SERAC1: variants seen among roughly 807,000 people sequenced by gnomAD.
SERAC1 encodes the protein serine active site containing 1.
SERAC1 carries 36 observed loss-of-function variants against 85.7 expected under a neutral mutation model. That is an observed-to-expected ratio of 0.42 (90% CI 0.32 to 0.55). The LOEUF (loss-of-function observed/expected upper bound fraction) is 0.55. SERAC1 is among the 20% of genes least tolerant of loss of function. SERAC1 has a pLI of 0.11. For missense variants in SERAC1, 629 were observed against 796.2 expected, an observed-to-expected ratio of 0.79 and a Z score of 2.53; for synonymous variants, 242 against 265.3, an observed-to-expected ratio of 0.91 and a Z score of 0.85.
chr6:158,113,276 A>G, intron 16 of SERAC1, 173 bp downstream of exon 16: 1 of 574,438 alleles, frequency 1.7e-6, no homozygotes, highest in Admixed American at 3.1e-5. Context: ...CCCGGGTTAT[A>G]TGTTTACAGA....
At position 158,120,020 on chromosome 6, in the gene SERAC1, C is replaced by T. The variant is rs148960089; in HGVS notation, c.1166+405G>A. Among the ~76,000 whole-genome samples, 1 of 152,200 alleles carries T rather than the reference C, an allele frequency of 6.6e-6. No individual in the cohort carries two copies. Among genetic ancestry groups the T allele is most frequent in the East Asian group, 1.9e-4 (1 of 5,184 alleles). The stretch of plus-strand genomic sequence containing the variant: ...TTCTCCAGTCCCTTGAGTTCTAGGC[C>T]CAGGCTAATTTGGTTGCCACATAAG... On this transcript the variant is annotated intron_variant, in intron 11 of 16. Coordinates refer to ENST00000647468, the MANE Select transcript of SERAC1 (RefSeq NM_032861.4). The surrounding 1 kb of genome is among the most constrained non-coding windows in gnomAD (Gnocchi z 4.4).
At chr6:158,114,462 AT>A (rs1784227227) in intron 15 of SERAC1, 5 of 1,102,528 alleles carry the variant, frequency 4.5e-6, no homozygotes, top group Non-Finnish European at 5.5e-6. Flanking sequence ...ACAGTTGATG[AT>A]TCTCCACTCA....
intron 3 of SERAC1, among the ~76,000 whole-genome samples, chr6:158,153,233 G>C (rs542805868): frequency 6.6e-6 from 1 of 152,214 alleles, no homozygotes; most frequent in Non-Finnish European, 1.5e-5. Context: ...GTATTCTTTT[G>C]CTCAGCCTTG....
chr6:158,116,818 C>T (rs1784301520), intron 13 of SERAC1: 1 of 152,830 alleles, frequency 6.5e-6, no homozygotes. Context: ...AAATATTAAG[C>T]TTTCATAATT....
intron 4 of SERAC1, 71 bp downstream of exon 4, chr6:158,150,381 TA>T (rs1785173536): frequency 7.9e-7 from 1 of 1,258,662 alleles, no homozygotes; most frequent in Non-Finnish European, 1.1e-6. Context: ...TACTGTGTTT[TA>T]AATAGACGCA....
chr6:158,139,061 C>T (rs1213802555), intron 8 of SERAC1, among the ~76,000 whole-genome samples: 1 of 152,058 alleles, frequency 6.6e-6, no homozygotes, highest in Admixed American at 6.5e-5. Context: ...GCACACACCC[C>T]ACAACTGGTT....
rs116746814 is a variant in SERAC1 at position 158,122,964 on chromosome 6, T to C, written c.1016-2389A>G. 9.6e-3 allele frequency among the ~76,000 whole-genome samples: 1,456 copies of C among 152,286 alleles called. 24 individuals are homozygous for C. The highest frequency in any genetic ancestry group is 0.032 in the African/African-American group (1,335 of 41,540). On this transcript the variant is annotated intron_variant, in intron 10 of 16. Coordinates refer to ENST00000647468, the MANE Select transcript of SERAC1 (RefSeq NM_032861.4). The stretch of plus-strand genomic sequence containing the variant: ...ATTGTTTAACCACTATTCATTCCTA[T>C]TGGCAGACATTTAGGTTGCTCCAAC...
In SERAC1 at chr6:158,117,736, G is replaced by A. The variant is rs1226474627; in HGVS notation, c.1394C>T (p.Pro465Leu). The A allele has an allele frequency of 1.9e-6, 3 of 1,613,912 alleles. No individual in the cohort carries two copies. The highest frequency in any genetic ancestry group is 4.5e-5 in the East Asian group (2 of 44,892). The change falls in exon 13 of 17, where the codon CCT (proline) becomes CTT (leucine). Residue 465 changes from proline (P) to leucine (L), a missense_variant. Coordinates refer to ENST00000647468, the MANE Select transcript of SERAC1 (RefSeq NM_032861.4). The surrounding 1 kb of genome is among the most constrained non-coding windows in gnomAD (Gnocchi z 4.3). ...TSLSDWRARC[P>L]MERKSIAFRS... is the part of the protein sequence containing the mutation. ...AAGTCGCCTCTGTTACCTTTCCATA[G>A]GGCACCTTGCTCTCCAGTCGCTGAG... is the stretch of plus-strand genomic sequence containing the variant.
At position 158,117,319 on chromosome 6, in the gene SERAC1, A is replaced by C. The variant is rs1399452508; in HGVS notation, c.1403+408T>G. 9 of 600,868 alleles carry C rather than the reference A, an allele frequency of 1.5e-5. No individual in the cohort carries two copies. The highest frequency in any genetic ancestry group is 2.0e-5 in the Non-Finnish European group (7 of 344,674). 37.2% of individuals were successfully genotyped at this position (600,868 alleles called of 1,614,324 possible). Reference sequence around the variant, plus strand: ...ATCCAGCACTCCTTCCCATGTATACAACTGGCACAGATGACATACAAGGGA... The same window carrying C: ...ATCCAGCACTCCTTCCCATGTATACCACTGGCACAGATGACATACAAGGGA... On this transcript the variant is annotated intron_variant, in intron 13 of 16. Transcript: ENST00000647468. This position sits in a 1 kb window ranked among gnomAD's most constrained non-coding sequence, Gnocchi z 4.3.
intron 9 of SERAC1, 140 bp downstream of exon 9, chr6:158,130,233 G>A (rs1784643046): frequency 4.3e-6 from 2 of 463,222 alleles, no homozygotes; most frequent in African/African-American, 2.0e-5. Context: ...ATTAAAATTG[G>A]AGGAAAGCAG....
In SERAC1 at chr6:158,117,786, A is replaced by T; in HGVS notation, c.1344T>A (p.Ile448=). 2 of 1,614,124 alleles carry T rather than the reference A, an allele frequency of 1.2e-6. No homozygotes were observed. Among genetic ancestry groups the T allele is most frequent in the Non-Finnish European group, 1.7e-6 (2 of 1,179,986 alleles). ...GGCTGGTGTCATACTCCACAGATAT[A>T]ATTCGGAGAGCAGGACAGTCTTTTG... is the stretch of plus-strand genomic sequence containing the variant. The part of the protein sequence containing the change: ...WLAKDCPALR[I]ISVEYDTSLS... The change falls in exon 13 of 17, where the codon ATT becomes ATA. Residue 448 remains isoleucine (I), a synonymous_variant. Coordinates refer to ENST00000647468, the MANE Select transcript of SERAC1 (RefSeq NM_032861.4). The surrounding 1 kb of genome is among the most constrained non-coding windows in gnomAD (Gnocchi z 4.3).
intron 4 of SERAC1, among the ~76,000 whole-genome samples, chr6:158,149,495 C>A (rs1483654111): frequency 6.6e-6 from 1 of 152,146 alleles, no homozygotes; most frequent in Non-Finnish European, 1.5e-5. Context: ...AACAAAAACA[C>A]TAACTACAAA....
Position 158,158,369 on chromosome 6 carries a change from G to A in SERAC1, c.-1-5C>T. On this transcript the variant is annotated splice_region_variant and splice_polypyrimidine_tract_variant and intron_variant, in intron 1 of 16. Coordinates refer to ENST00000647468, the MANE Select transcript of SERAC1 (RefSeq NM_032861.4). ...CAATAAGCAGCCAGGGACATTCTGT[G>A]TAAGTAGAACAATTACAACAAATTT... is the stretch of plus-strand genomic sequence containing the variant. 1 of 1,603,726 alleles carries A rather than the reference G, an allele frequency of 6.2e-7. No homozygotes were observed. Among genetic ancestry groups the A allele is most frequent in the Non-Finnish European group, 8.5e-7 (1 of 1,171,362 alleles).
chr6:158,147,026 A>G, intron 5 of SERAC1, 113 bp from the exon 6 acceptor site: 1 of 1,036,990 alleles, frequency 9.6e-7, no homozygotes. Flanking sequence ...AGTTAAATCC[A>G]TATATATAGG....
At chr6:158,161,716 G>C (rs149264591) in intron 1 of SERAC1, 1 of 151,428 alleles carries the variant, frequency 6.6e-6, no homozygotes, top group Non-Finnish European at 1.5e-5. Context: ...CTAACTGCTA[G>C]AGGTAGCAAA....
Position 158,144,288 on chromosome 6 carries a change from GT to G in SERAC1, c.609+10del, listed in dbSNP as rs1485849054. ...CACTCTCTAAATTACTATTATTATT[GT>G]TTTACTTACTTCTTTTAAAGATGGC... On this transcript the variant is annotated intron_variant, in intron 7 of 16. Transcript: ENST00000647468. 1 of 1,597,460 alleles carries G rather than the reference GT, an allele frequency of 6.3e-7. No individual in the cohort carries two copies. The highest frequency in any genetic ancestry group is 8.6e-7 in the Non-Finnish European group (1 of 1,168,170).
chr6:158,114,641 C>T, intron 15 of SERAC1, 148 bp downstream of exon 15: 1 of 1,127,150 alleles, frequency 8.9e-7, no homozygotes, highest in South Asian at 3.4e-5. Flanking sequence ...AAAAATCAAG[C>T]CCAACCCAAA....
rs139802457 is a variant in SERAC1, at chr6:158,127,141, G to A, written c.1015+967C>T. 5.6e-3 allele frequency among the ~76,000 whole-genome samples: 849 copies of A among 151,952 alleles called. 11 individuals carry two copies. Among genetic ancestry groups the A allele is most frequent in the African/African-American group, 0.02 (809 of 41,402 alleles). On this transcript the variant is annotated intron_variant, in intron 10 of 16. Transcript: ENST00000647468. The stretch of plus-strand genomic sequence containing the variant: ...ATCTACAATACTGATTATCTTAGGC[G>A]CAGATTATCTACAATCTCAAGCAAT...
chr6:158,142,481 C>CTT (rs797011235), intron 8 of SERAC1, among the ~76,000 whole-genome samples: 3 of 139,320 alleles, frequency 2.2e-5, no homozygotes, highest in Non-Finnish European at 3.1e-5. Flanking sequence ...CCTATTCATT[C>CTT]TTTTTTTTTT....
Sources: allele counts gnomAD v4.1 joint callset (sites outside exome capture counted in the v4.1 genomes callset), GRCh38; gene constraint gnomAD v4.1.1; non-coding constraint Gnocchi (gnomAD v3.1); transcripts MANE v1.5; gene names NCBI Gene and HGNC (gene_info 2026-07-23, HGNC 2026-07-21).